Variants in CCSER1 observed in about 807,000 individuals in gnomAD.
CCSER1 encodes serine-rich coiled-coil domain-containing protein 1.
A neutral mutation model predicts 82.0 loss-of-function variants in CCSER1; 41 were observed. The ratio of observed to expected loss-of-function variants is 0.50; its 90% CI spans 0.39 to 0.65. CCSER1 has a LOEUF of 0.65. Ranked by LOEUF, CCSER1 falls within the 30% of genes least tolerant of loss-of-function variation. The pLI, the probability that CCSER1 is intolerant of heterozygous loss-of-function variation, is 0.00. For missense variants in CCSER1, 1,119 were observed against 1,064.2 expected, an observed-to-expected ratio of 1.05 and a Z score of -0.72; for synonymous variants, 414 against 383.9, an observed-to-expected ratio of 1.08 and a Z score of -0.92.
chr4:91,073,903 C>T (rs988764416), intron 9 of CCSER1, among the ~76,000 whole-genome samples: 1 of 152,110 alleles, frequency 6.6e-6, no homozygotes, highest in East Asian at 1.9e-4. Flanking sequence ...ATCCTCCTCC[C>T]GATAATCATC....
intron 9 of CCSER1, among the ~76,000 whole-genome samples, chr4:90,977,541 A>G (rs1015757115): frequency 6.6e-6 from 1 of 151,610 alleles, no homozygotes; most frequent in Admixed American, 6.6e-5. Flanking sequence ...GCAATTATGT[A>G]TGTATATATA....
intron 8 of CCSER1, among the ~76,000 whole-genome samples, chr4:90,822,978 G>C (rs1436396827): frequency 6.7e-6 from 1 of 149,324 alleles, no homozygotes; most frequent in Admixed American, 6.7e-5. Context: ...TGAAATTTAA[G>C]TTACCTCTGT....
chr4:91,442,062 A>G lies in CCSER1; in HGVS notation c.2218-156510A>G, dbSNP rs1161535874. ...CCATACTGCCCAAGGTAATTTATAG[A>G]TTCAATGCCATCCCCATCAAGCTAC... On this transcript the variant is annotated intron_variant, in intron 10 of 10. Coordinates refer to ENST00000509176, the MANE Select transcript of CCSER1 (RefSeq NM_001145065.2). Among the ~76,000 whole-genome samples the G allele has an allele frequency of 2.6e-5, 4 of 152,128 alleles. No homozygotes were observed. The East Asian group carries it at 7.7e-4, about 29-fold the overall frequency.
intron 1 of CCSER1, among the ~76,000 whole-genome samples, chr4:90,151,735 G>A (rs901575330): frequency 6.6e-6 from 1 of 151,982 alleles, no homozygotes; most frequent in Non-Finnish European, 1.5e-5. Flanking sequence ...TTTTCCATTT[G>A]TTCAGTTATT....
rs73834788 is a variant in CCSER1, at chr4:91,110,039, T to C, written c.2217+24045T>C. ...ATACAAGTTCTGCCCTTTGCTTAGA[T>C]TAAAACTAAGCAAATTAAAGAAATT... is the stretch of plus-strand genomic sequence containing the variant. On this transcript the variant is annotated intron_variant, in intron 10 of 10. Transcript: ENST00000509176. Among the ~76,000 whole-genome samples, 642 of 152,142 alleles carry C rather than the reference T, an allele frequency of 4.2e-3. 6 individuals are homozygous for C. The highest frequency in any genetic ancestry group is 0.014 in the African/African-American group (601 of 41,532).
intron 3 of CCSER1, among the ~76,000 whole-genome samples, chr4:90,375,353 T>C (rs1748136552): frequency 6.6e-6 from 1 of 151,934 alleles, no homozygotes; most frequent in South Asian, 2.1e-4. Context: ...TAGGCATGAG[T>C]TGGGGATGAC....
At chr4:90,765,517 G>T (rs1034693628) in intron 7 of CCSER1, among the ~76,000 whole-genome samples, 1 of 152,084 alleles carries the variant, frequency 6.6e-6, no homozygotes, top group Non-Finnish European at 1.5e-5. Context: ...ATTTAGGATT[G>T]CATCGTACTC....
chr4:90,964,709 A>AGCCAG (rs1229597943), intron 9 of CCSER1, among the ~76,000 whole-genome samples: 2 of 127,032 alleles, frequency 1.6e-5, no homozygotes, highest in Non-Finnish European at 3.2e-5. Context: ...TGGGCGACAG[A>AGCCAG]GCCAGAGCAA....
chr4:90,162,361 CAT>C lies in CCSER1; in HGVS notation c.-42+34534_-42+34535del, dbSNP rs1295664539. On this transcript the variant is annotated intron_variant, in intron 1 of 10. Transcript: ENST00000509176. Reference sequence around the variant, plus strand: ...ATTTAATAATTATGATAGCAGAACTCATATAATGTACTCAGATGCCTTCCTCC... The same window carrying C: ...ATTTAATAATTATGATAGCAGAACTCATAATGTACTCAGATGCCTTCCTCC... 2.6e-5 allele frequency among the ~76,000 whole-genome samples: 4 copies of C among 152,068 alleles called. No individual in the cohort carries two copies. The South Asian group carries it at 6.2e-4, about 24-fold the overall frequency.
At chr4:90,501,324 C>T (rs1290102207) in intron 5 of CCSER1, among the ~76,000 whole-genome samples, 1 of 152,080 alleles carries the variant, frequency 6.6e-6, no homozygotes, top group Admixed American at 6.6e-5. Context: ...GACAAAAATT[C>T]TAGATCTTGC....
chr4:91,377,361 C>T (rs1750505922), intron 10 of CCSER1, among the ~76,000 whole-genome samples: 1 of 152,132 alleles, frequency 6.6e-6, no homozygotes, highest in Non-Finnish European at 1.5e-5. Flanking sequence ...TTTACAGTCC[C>T]ACCAACAGTG....
chr4:91,005,390 TACACACACAC>T (rs10555507), intron 9 of CCSER1, among the ~76,000 whole-genome samples: 3,650 of 149,236 alleles, frequency 0.024, 117 homozygotes, highest in African/African-American at 0.074. Context: ...GAAGTAATTT[TACACACACAC>T]ACACACACAC....
At chr4:91,006,819 G>C (rs1204856700) in intron 9 of CCSER1, among the ~76,000 whole-genome samples, 2 of 152,100 alleles carry the variant, frequency 1.3e-5, no homozygotes, top group African/African-American at 4.8e-5. Flanking sequence ...ATGACTTCCA[G>C]TACTAAGATG....
At chr4:90,165,764 A>G (rs920169859) in intron 1 of CCSER1, among the ~76,000 whole-genome samples, 6 of 152,048 alleles carry the variant, frequency 3.9e-5, no homozygotes, top group African/African-American at 2.4e-5. Flanking sequence ...CAGGGAGGAA[A>G]TCTGCATGGT....
chr4:91,254,009 G>A (rs973511089), intron 10 of CCSER1, among the ~76,000 whole-genome samples: 1 of 152,092 alleles, frequency 6.6e-6, no homozygotes, highest in Admixed American at 6.5e-5. Flanking sequence ...TCCAACATTG[G>A]GGATTGCAAT....
chr4:90,200,061 G>GACACACACTC (rs1553956401), intron 1 of CCSER1, among the ~76,000 whole-genome samples: 3 of 144,864 alleles, frequency 2.1e-5, no homozygotes, highest in African/African-American at 7.7e-5. Context: ...CGTGCACGCA[G>GACACACACTC]ACACACACAC....
chr4:90,163,198 C>G (rs1729784286), intron 1 of CCSER1, among the ~76,000 whole-genome samples: 1 of 151,914 alleles, frequency 6.6e-6, no homozygotes, highest in African/African-American at 2.4e-5. Context: ...GTTTATGATG[C>G]TAAATTTAAG....
At chr4:91,297,274 A>G (rs1156505072) in intron 10 of CCSER1, among the ~76,000 whole-genome samples, 1 of 151,948 alleles carries the variant, frequency 6.6e-6, no homozygotes, top group Non-Finnish European at 1.5e-5. Context: ...CAGGCTGCAG[A>G]AACAGCAAGA....
At chr4:90,168,169 A>G (rs1416057816) in intron 1 of CCSER1, among the ~76,000 whole-genome samples, 2 of 152,174 alleles carry the variant, frequency 1.3e-5, no homozygotes, top group African/African-American at 2.4e-5. Flanking sequence ...TCGCCATTCT[A>G]ACTGGTGTGA....
Sources: gnomAD v4.1 joint callset for allele counts (sites outside exome capture counted in the v4.1 genomes callset) on GRCh38, gnomAD v4.1.1 for gene constraint, MANE v1.5 for transcripts, NCBI Gene and HGNC (gene_info 2026-07-23, HGNC 2026-07-21) for gene names.